LDLRAD4: variants seen among roughly 807,000 people sequenced by gnomAD.
The protein encoded by LDLRAD4 is low-density lipoprotein receptor class A domain-containing protein 4.
LDLRAD4 carries 5 observed loss-of-function variants against 17.0 expected under a neutral mutation model. That is an observed-to-expected ratio of 0.29 (90% confidence interval 0.15 to 0.62). LDLRAD4 has a LOEUF of 0.62. Among genes scored for constraint, LDLRAD4 ranks in the 20% least tolerant of loss-of-function variants. LDLRAD4 has a pLI of 0.84. For missense variants in LDLRAD4, 340 were observed against 424.7 expected, an observed-to-expected ratio of 0.80 and a Z score of 1.75; for synonymous variants, 168 against 171.8, an observed-to-expected ratio of 0.98 and a Z score of 0.17.
In LDLRAD4 at chr18:13,308,669, C is replaced by T. The variant is rs146045344; in HGVS notation, c.-383+30481C>T. Among the ~76,000 whole-genome samples, 257 of 152,356 alleles carry T rather than the reference C, an allele frequency of 1.7e-3. 2 individuals are homozygous for T. Among genetic ancestry groups the T allele is most frequent in the African/African-American group, 5.9e-3 (247 of 41,580 alleles). On this transcript the variant is annotated intron_variant, in intron 1 of 5. Coordinates refer to ENST00000359446, the Ensembl canonical transcript of LDLRAD4. ...TTCTTTTACTGGAAGGGAGGCTGCG[C>T]GTGTTTCACATCAGAGCCATGTGTG... is the stretch of plus-strand genomic sequence containing the variant.
At chr18:13,378,931 C>T (rs912766871) in intron 1 of LDLRAD4, among the ~76,000 whole-genome samples, 4 of 152,184 alleles carry the variant, frequency 2.6e-5, no homozygotes, top group Admixed American at 1.3e-4. Context: ...TGGGCTGAGC[C>T]GTGTTAGAGA....
intron 1 of LDLRAD4, among the ~76,000 whole-genome samples, chr18:13,357,549 C>T (rs967403641): frequency 9.9e-5 from 15 of 152,130 alleles, no homozygotes; most frequent in Non-Finnish European, 1.2e-4. Context: ...TTTCCTATAT[C>T]TTGGTAGCTG....
intron 1 of LDLRAD4, among the ~76,000 whole-genome samples, chr18:13,236,965 G>T (rs1350822664): frequency 6.6e-6 from 1 of 152,190 alleles, no homozygotes; most frequent in East Asian, 1.9e-4. Context: ...TGTGCTTGGG[G>T]GCATAATGTG....
chr18:13,281,059 A>T (rs899807700), intron 1 of LDLRAD4, among the ~76,000 whole-genome samples: 47 of 152,230 alleles, frequency 3.1e-4, no homozygotes, highest in African/African-American at 1.1e-3. Context: ...AGATGTGTGT[A>T]TAAAGTGATC....
chr18:13,574,786 CT>C (rs1347544435), intron 3 of LDLRAD4, among the ~76,000 whole-genome samples: 5 of 152,222 alleles, frequency 3.3e-5, no homozygotes, highest in Non-Finnish European at 7.4e-5. Context: ...CTTCCTGCTT[CT>C]TTTCAACCTG....
intron 4 of LDLRAD4, chr18:13,642,900 T>G (rs1327746435): frequency 2.3e-6 from 1 of 428,286 alleles, no homozygotes; most frequent in Non-Finnish European, 3.8e-6. Flanking sequence ...GTTTTTTGTT[T>G]GTTTGTTTGT....
intron 3 of LDLRAD4, 121 bp downstream of exon 4, chr18:13,438,505 T>TGGTGCAGGTGAATTTG: frequency 1.3e-6 from 1 of 769,372 alleles, no homozygotes; most frequent in Non-Finnish European, 2.2e-6. Context: ...ATTTGCATTT[T>TGGTGCAGGTGAATTTG]CACAAAGGAA....
chr18:13,376,163 C>T (rs974804001), intron 1 of LDLRAD4, among the ~76,000 whole-genome samples: 7 of 152,098 alleles, frequency 4.6e-5, no homozygotes, highest in Non-Finnish European at 8.8e-5. Flanking sequence ...CCAGGCTGTG[C>T]GGGCACTGGC....
intron 1 of LDLRAD4, among the ~76,000 whole-genome samples, chr18:13,286,656 A>G (rs1197659815): frequency 6.6e-6 from 1 of 152,228 alleles, no homozygotes; most frequent in Admixed American, 6.5e-5. Flanking sequence ...TGTGGGAACC[A>G]CTGCACTTTT....
chr18:13,397,835 G>A (rs571889788), intron 2 of LDLRAD4, among the ~76,000 whole-genome samples: 2 of 152,226 alleles, frequency 1.3e-5, no homozygotes. Context: ...TGATAAAATT[G>A]CAGAAAATTC....
chr18:13,317,813 T>G (rs374044192), intron 1 of LDLRAD4, among the ~76,000 whole-genome samples: 1 of 152,214 alleles, frequency 6.6e-6, no homozygotes, highest in South Asian at 2.1e-4. Flanking sequence ...GATTTTATCT[T>G]CTCTGTTTAT....
At chr18:13,584,545 C>T (rs1252349831) in intron 3 of LDLRAD4, among the ~76,000 whole-genome samples, 3 of 152,066 alleles carry the variant, frequency 2.0e-5, no homozygotes, top group East Asian at 1.9e-4. Context: ...CTGCACCTGG[C>T]GCCCAGGAAG....
intron 5 of LDLRAD4, among the ~76,000 whole-genome samples, chr18:13,643,677 T>C (rs2042819731): frequency 1.3e-5 from 2 of 152,236 alleles, no homozygotes; most frequent in South Asian, 4.1e-4. Flanking sequence ...CGTAAGCTTC[T>C]ACTAATGTGC....
At chr18:13,255,398 A>T (rs1446690366) in intron 1 of LDLRAD4, among the ~76,000 whole-genome samples, 1 of 152,176 alleles carries the variant, frequency 6.6e-6, no homozygotes, top group Non-Finnish European at 1.5e-5. Context: ...ACTGGGGAAG[A>T]TTCTAGGCTG....
At chr18:13,223,773 TC>T (rs1460925613) in intron 1 of LDLRAD4, among the ~76,000 whole-genome samples, 1 of 152,198 alleles carries the variant, frequency 6.6e-6, no homozygotes, top group Non-Finnish European at 1.5e-5. Context: ...GATTCACTAA[TC>T]TAATCCTCAC....
chr18:13,357,301 G>T (rs1439846539), intron 1 of LDLRAD4, among the ~76,000 whole-genome samples: 2 of 151,982 alleles, frequency 1.3e-5, no homozygotes, highest in African/African-American at 4.8e-5. Flanking sequence ...CTGGACTCCT[G>T]GGCTTAAGTG....
chr18:13,510,205 G>T (rs1002421126), intron 3 of LDLRAD4, among the ~76,000 whole-genome samples: 9 of 152,238 alleles, frequency 5.9e-5, no homozygotes, highest in African/African-American at 2.2e-4. Context: ...AGATGTTTTT[G>T]TATCTGAACT....
intron 3 of LDLRAD4, among the ~76,000 whole-genome samples, chr18:13,552,427 G>T (rs757365585): frequency 6.6e-6 from 1 of 152,218 alleles, no homozygotes; most frequent in Non-Finnish European, 1.5e-5. Context: ...GGACCTGGAA[G>T]GACAGTGCAC....
At chr18:13,565,889 G>A (rs1419909081) in intron 3 of LDLRAD4, among the ~76,000 whole-genome samples, 1 of 152,252 alleles carries the variant, frequency 6.6e-6, no homozygotes, top group Non-Finnish European at 1.5e-5. Context: ...AATTCCATCA[G>A]CGTTGATCAA....
Sources: gnomAD v4.1 joint callset for allele counts (sites outside exome capture counted in the v4.1 genomes callset) on GRCh38, gnomAD v4.1.1 for gene constraint, MANE v1.5 for transcripts, NCBI Gene and HGNC (gene_info 2026-07-23, HGNC 2026-07-21) for gene names.